Variants in RAP1A observed in about 807,000 individuals in gnomAD.
RAP1A encodes ras-related protein Rap-1A.
Under a neutral mutation model 26.4 loss-of-function variants are expected in RAP1A, and 6 were observed. That is an observed-to-expected ratio of 0.23 (90% confidence interval 0.12 to 0.45). The LOEUF is 0.45. Among genes scored for constraint, RAP1A ranks in the 20% least tolerant of loss-of-function variants. The pLI is 0.99. For synonymous variants in RAP1A, 73 were observed against 79.4 expected, an observed-to-expected ratio of 0.92 and a Z score of 0.43; for missense variants, 121 against 217.2, an observed-to-expected ratio of 0.56 and a Z score of 2.78.
At chr1:111,706,845 T>G in intron 6 of RAP1A, 1 of 647,628 alleles carries the variant, frequency 1.5e-6, no homozygotes, top group Non-Finnish European at 1.9e-6. Context: ...TTCTATATAG[T>G]ACCAGAAACC....
At chr1:111,671,428 T>C (rs1660970259) in intron 1 of RAP1A, among the ~76,000 whole-genome samples, 1 of 152,232 alleles carries the variant, frequency 6.6e-6, no homozygotes, top group African/African-American at 2.4e-5. Flanking sequence ...CAGCTATTCA[T>C]AAAAAGTTTG....
At chr1:111,600,483 C>T (rs1052146950) in intron 1 of RAP1A, among the ~76,000 whole-genome samples, 8 of 152,228 alleles carry the variant, frequency 5.3e-5, no homozygotes, top group African/African-American at 1.7e-4. Flanking sequence ...AGTGGCCACA[C>T]GCCAGGCAGC....
intron 7 of RAP1A, among the ~76,000 whole-genome samples, chr1:111,709,894 T>C (rs1232193780): frequency 2.0e-5 from 3 of 152,238 alleles, no homozygotes; most frequent in African/African-American, 7.2e-5. Flanking sequence ...ATTCTTCTGT[T>C]GGTGTTCATT....
At chr1:111,592,831 C>A (rs187861837) in intron 1 of RAP1A, among the ~76,000 whole-genome samples, 1 of 152,170 alleles carries the variant, frequency 6.6e-6, no homozygotes, top group Non-Finnish European at 1.5e-5. Context: ...CCCATCTGCA[C>A]GCCCCCATTT....
intron 1 of RAP1A, among the ~76,000 whole-genome samples, chr1:111,690,986 A>G (rs923122508): frequency 3.9e-5 from 6 of 152,244 alleles, no homozygotes; most frequent in African/African-American, 7.2e-5. Context: ...TAAACAGTAC[A>G]TAAGTTGTTT....
intron 1 of RAP1A, among the ~76,000 whole-genome samples, chr1:111,586,696 G>A (rs555879589): frequency 8.5e-5 from 13 of 152,314 alleles, no homozygotes; most frequent in South Asian, 2.1e-4. Flanking sequence ...TATAGCAAGC[G>A]TTCCCTAAAT....
At chr1:111,599,920 T>G (rs1424560846) in intron 1 of RAP1A, 2 of 152,014 alleles carry the variant, frequency 1.3e-5, no homozygotes, top group Non-Finnish European at 2.9e-5. Flanking sequence ...TCTCACTCAG[T>G]TAGTTCTGCC....
chr1:111,549,913 A>C (rs1205549705), intron 1 of RAP1A, among the ~76,000 whole-genome samples: 1 of 152,132 alleles, frequency 6.6e-6, no homozygotes, highest in Non-Finnish European at 1.5e-5. Flanking sequence ...CCAGCCTACC[A>C]AAGTGCTGGA....
At chr1:111,668,145 A>G (rs1660856495) in intron 1 of RAP1A, among the ~76,000 whole-genome samples, 1 of 152,204 alleles carries the variant, frequency 6.6e-6, no homozygotes, top group African/African-American at 2.4e-5. Flanking sequence ...TATCTAAATC[A>G]CACTTTTTGG....
chr1:111,699,100 C>G (rs992576983), intron 4 of RAP1A, among the ~76,000 whole-genome samples: 1 of 152,108 alleles, frequency 6.6e-6, no homozygotes, highest in Non-Finnish European at 1.5e-5. Flanking sequence ...GTTATAAGGC[C>G]TATTTGCTTG....
At chr1:111,679,909 A>G (rs752284287) in intron 1 of RAP1A, among the ~76,000 whole-genome samples, 13 of 151,690 alleles carry the variant, frequency 8.6e-5, no homozygotes, top group Non-Finnish European at 1.6e-4. Flanking sequence ...TATAGTTAAA[A>G]CTCCCATCTC....
intron 1 of RAP1A, among the ~76,000 whole-genome samples, chr1:111,633,973 A>G (rs1476519974): frequency 6.6e-6 from 1 of 152,286 alleles, no homozygotes; most frequent in Non-Finnish European, 1.5e-5. Context: ...GACATAAAGA[A>G]TCATTGCTTT....
At chr1:111,689,662 C>T (rs1300138281) in intron 1 of RAP1A, among the ~76,000 whole-genome samples, 2 of 152,052 alleles carry the variant, frequency 1.3e-5, no homozygotes, top group Non-Finnish European at 2.9e-5. Flanking sequence ...ATTTATTTCA[C>T]TCTGGTTTCA....
At chr1:111,656,788 T>C (rs1660476132) in intron 1 of RAP1A, among the ~76,000 whole-genome samples, 1 of 151,418 alleles carries the variant, frequency 6.6e-6, no homozygotes, top group African/African-American at 2.4e-5. Flanking sequence ...CTCTGATTGT[T>C]TTTTTTTTGT....
chr1:111,688,977 G>A (rs191136262), intron 1 of RAP1A, among the ~76,000 whole-genome samples: 1 of 152,066 alleles, frequency 6.6e-6, no homozygotes, highest in African/African-American at 2.4e-5. Context: ...TGGGACCATA[G>A]GCACATGCCA....
chr1:111,659,693 T>C (rs1660573626), intron 1 of RAP1A, among the ~76,000 whole-genome samples: 1 of 152,082 alleles, frequency 6.6e-6, no homozygotes, highest in Non-Finnish European at 1.5e-5. Flanking sequence ...TGTTGTTTCC[T>C]TTTTTTGCCT....
At chr1:111,706,548 G>A (rs1662199330) in intron 6 of RAP1A, 1 of 230,338 alleles carries the variant, frequency 4.3e-6, no homozygotes. Context: ...AATCACAGTA[G>A]TCTTAATCAA....
At chr1:111,597,530 C>T (rs1203794199) in intron 1 of RAP1A, among the ~76,000 whole-genome samples, 1 of 152,216 alleles carries the variant, frequency 6.6e-6, no homozygotes, top group African/African-American at 2.4e-5. Context: ...TCTAGTGTGA[C>T]ACTCCTCTGT....
At chr1:111,564,055 T>C in intron 1 of RAP1A, 2 of 832,328 alleles carry the variant, frequency 2.4e-6, no homozygotes, top group Non-Finnish European at 4.1e-6. Flanking sequence ...TTCCCTGTTT[T>C]GGGGGGTAGA....
Sources: allele counts gnomAD v4.1 joint callset (sites outside exome capture counted in the v4.1 genomes callset), GRCh38; gene constraint gnomAD v4.1.1; transcripts MANE v1.5; gene names NCBI Gene and HGNC (gene_info 2026-07-23, HGNC 2026-07-21).